The following DYNC1I1 variants were observed in gnomAD, a reference collection of about 807,000 sequenced individuals.
DYNC1I1 encodes cytoplasmic dynein 1 intermediate chain 1.
Under a neutral mutation model 86.6 loss-of-function variants are expected in DYNC1I1, and 43 were observed. That is an observed-to-expected ratio of 0.50 (90% CI 0.39 to 0.64). The LOEUF is 0.64. DYNC1I1 is among the 30% of genes least tolerant of loss of function. DYNC1I1 has a pLI of 0.00. For synonymous variants in DYNC1I1, 262 were observed against 283.7 expected, an observed-to-expected ratio of 0.92 and a Z score of 0.77; for missense variants, 604 against 788.8, an observed-to-expected ratio of 0.77 and a Z score of 2.81.
intron 14 of DYNC1I1, among the ~76,000 whole-genome samples, chr7:96,047,147 A>G (rs1789240965): frequency 6.6e-6 from 1 of 152,086 alleles, no homozygotes; most frequent in South Asian, 2.1e-4. Context: ...AGGCTCCTTG[A>G]AGCCTCTTTT....
intron 5 of DYNC1I1, among the ~76,000 whole-genome samples, chr7:95,857,757 C>T (rs554605480): frequency 1.6e-3 from 238 of 152,330 alleles, no homozygotes; most frequent in Middle Eastern, 3.4e-3. Flanking sequence ...AAGTAATTTT[C>T]CTCCACAATC....
intron 10 of DYNC1I1, among the ~76,000 whole-genome samples, chr7:96,007,810 T>C (rs1051502640): frequency 2.0e-5 from 3 of 152,198 alleles, no homozygotes; most frequent in African/African-American, 7.2e-5. Context: ...CAATATCAGT[T>C]GAAGCAAAGC....
chr7:96,076,800 A>G (rs1790354283), intron 15 of DYNC1I1, among the ~76,000 whole-genome samples: 1 of 152,236 alleles, frequency 6.6e-6, no homozygotes, highest in Non-Finnish European at 1.5e-5. Context: ...TTTTAAAAAT[A>G]GATTTTAACA....
At chr7:96,065,655 T>G (rs1789956470) in intron 14 of DYNC1I1, among the ~76,000 whole-genome samples, 1 of 152,170 alleles carries the variant, frequency 6.6e-6, no homozygotes, top group African/African-American at 2.4e-5. Context: ...CCCAAAGCGC[T>G]GAGATTACAG....
At chr7:95,999,978 T>C (rs1018830110) in intron 10 of DYNC1I1, among the ~76,000 whole-genome samples, 1 of 152,222 alleles carries the variant, frequency 6.6e-6, no homozygotes, top group East Asian at 1.9e-4. Flanking sequence ...CTTTGTAAAG[T>C]ATATTTTGAC....
At chr7:96,103,818 TA>T (rs1791173221) in intron 16 of DYNC1I1, among the ~76,000 whole-genome samples, 1 of 152,130 alleles carries the variant, frequency 6.6e-6, no homozygotes, top group Non-Finnish European at 1.5e-5. Context: ...TTTACCGTGT[TA>T]GCAAGGATGG....
chr7:96,024,675 A>G (rs1453285190), intron 10 of DYNC1I1, among the ~76,000 whole-genome samples: 3 of 152,192 alleles, frequency 2.0e-5, no homozygotes, highest in Non-Finnish European at 4.4e-5. Flanking sequence ...TTAAAATAAA[A>G]TGGTGTTACT....
intron 4 of DYNC1I1, among the ~76,000 whole-genome samples, chr7:95,815,091 A>G (rs1794918400): frequency 1.3e-5 from 2 of 152,148 alleles, no homozygotes; most frequent in African/African-American, 2.4e-5. Flanking sequence ...AGTTGGCAGC[A>G]TTCAATTCTA....
At chr7:95,908,389 T>G (rs897531920) in intron 6 of DYNC1I1, among the ~76,000 whole-genome samples, 1 of 152,130 alleles carries the variant, frequency 6.6e-6, no homozygotes, top group Non-Finnish European at 1.5e-5. Context: ...TATCAAAGAT[T>G]TAAAAAAACA....
At chr7:96,083,727 G>A (rs1430939516) in intron 16 of DYNC1I1, among the ~76,000 whole-genome samples, 1 of 152,158 alleles carries the variant, frequency 6.6e-6, no homozygotes, top group Non-Finnish European at 1.5e-5. Flanking sequence ...TATTCAAGAA[G>A]AAACAAATAA....
intron 6 of DYNC1I1, among the ~76,000 whole-genome samples, chr7:95,873,569 A>C (rs1291508884): frequency 6.6e-6 from 1 of 152,188 alleles, no homozygotes; most frequent in African/African-American, 2.4e-5. Context: ...TATGTTTTCA[A>C]AGATTTTTCC....
intron 14 of DYNC1I1, among the ~76,000 whole-genome samples, chr7:96,056,728 G>A (rs970168031): frequency 2.0e-5 from 3 of 151,848 alleles, no homozygotes; most frequent in Admixed American, 6.6e-5. Flanking sequence ...TATAGCATAT[G>A]CAAATGTATA....
At chr7:95,978,798 G>T (rs1000102528) in intron 7 of DYNC1I1, among the ~76,000 whole-genome samples, 1 of 147,502 alleles carries the variant, frequency 6.8e-6, no homozygotes, top group Non-Finnish European at 1.5e-5. Flanking sequence ...AGTTAAATGG[G>T]ACAATTTTTT....
At position 95,820,971 on chromosome 7, in the gene DYNC1I1, G is replaced by A. The variant is rs142161450; in HGVS notation, c.315-7086G>A. Among the ~76,000 whole-genome samples, 998 of 152,316 alleles carry A rather than the reference G, an allele frequency of 6.6e-3. 10 individuals carry two copies. Among genetic ancestry groups the A allele is most frequent in the African/African-American group, 0.022 (929 of 41,574 alleles). ...TCCTGCGGCCATGTAGTGACATCACGCTGAGTAAGACTGAGTTTTCCATAA... is the reference window on the plus strand; with the variant it reads ...TCCTGCGGCCATGTAGTGACATCACACTGAGTAAGACTGAGTTTTCCATAA... On this transcript the variant is annotated intron_variant, in intron 4 of 16. Coordinates refer to ENST00000447467, the MANE Select transcript of DYNC1I1 (RefSeq NM_001135556.2).
chr7:95,954,915 CAAAAAAAAA>C (rs58435060), intron 6 of DYNC1I1, among the ~76,000 whole-genome samples: 12 of 81,860 alleles, frequency 1.5e-4, no homozygotes, highest in African/African-American at 5.1e-4. Context: ...GACTCTGTCT[CAAAAAAAAA>C]AAAAAAAAAA....
intron 6 of DYNC1I1, among the ~76,000 whole-genome samples, chr7:95,969,878 T>C (rs1793120602): frequency 6.6e-6 from 1 of 152,174 alleles, no homozygotes; most frequent in Non-Finnish European, 1.5e-5. Context: ...TCTGGCCAGA[T>C]GTTTCTAGAC....
Position 96,080,346 on chromosome 7 carries a change from T to C in DYNC1I1, c.1651-17T>C, listed in dbSNP as rs1197302089. Reference sequence around the variant, plus strand: ...ATATTCAGAGATTCTTTTATTCTGTTGTGAACCCTTTGGCAGGTTCCAACA... The same window carrying C: ...ATATTCAGAGATTCTTTTATTCTGTCGTGAACCCTTTGGCAGGTTCCAACA... On this transcript the variant is annotated splice_polypyrimidine_tract_variant and intron_variant, in intron 15 of 16. Coordinates refer to ENST00000447467, the MANE Select transcript of DYNC1I1 (RefSeq NM_001135556.2). The C allele has an allele frequency of 6.3e-7, 1 of 1,580,206 alleles. No homozygotes were observed. The highest frequency in any genetic ancestry group is 2.2e-5 in the East Asian group (1 of 44,668).
At chr7:95,908,210 CTA>C (rs1791227349) in intron 6 of DYNC1I1, among the ~76,000 whole-genome samples, 2 of 152,092 alleles carry the variant, frequency 1.3e-5, no homozygotes, top group African/African-American at 4.8e-5. Context: ...AAAAATGTAT[CTA>C]TCATAAACTT....
chr7:95,882,186 G>A (rs568616897), intron 6 of DYNC1I1, among the ~76,000 whole-genome samples: 15 of 152,070 alleles, frequency 9.9e-5, no homozygotes, highest in Non-Finnish European at 2.1e-4. Flanking sequence ...AGAGGATATT[G>A]TGAAGATAAA....
Sources: allele counts gnomAD v4.1 joint callset (sites outside exome capture counted in the v4.1 genomes callset), GRCh38; gene constraint gnomAD v4.1.1; transcripts MANE v1.5; gene names NCBI Gene and HGNC (gene_info 2026-07-23, HGNC 2026-07-21).